Variants in GRIA2 observed in about 807,000 individuals in gnomAD.
GRIA2 encodes the protein glutamate ionotropic receptor AMPA type subunit 2, also known as glutamate receptor 2.
GRIA2 carries 14 observed loss-of-function variants against 97.3 expected under a neutral mutation model. The ratio of observed to expected loss-of-function variants is 0.14; its 90% CI spans 0.10 to 0.23. The LOEUF is 0.23. Among genes scored for constraint, GRIA2 ranks in the 10% least tolerant of loss-of-function variants. The pLI is 1.00. For synonymous variants in GRIA2, 412 were observed against 387.8 expected (o/e 1.06, Z -0.73); for missense variants, 558 against 1,069.8 (o/e 0.52, Z 6.67).
Position 157,317,688 on chromosome 4 carries a change from T to C in GRIA2, c.697T>C (p.Tyr233His). The change falls in exon 5 of 16, where the codon TAC becomes CAC. Residue 233 changes from tyrosine to histidine, a missense_variant. By Grantham distance (83) the Tyr-to-His change is moderately conservative. This residue lies in a region of GRIA2 where 173 missense variants were observed against 209.1 expected (regional missense o/e 0.83). Transcript: ENST00000264426. The part of the protein sequence containing the change: ...VITIGKHVKG[Y>H]HYIIANLGFT... ...TACCATTGGAAAACATGTTAAAGGG[T>C]ACCACTACATCATTGCAAATCTGGT... is the stretch of plus-strand genomic sequence containing the variant. 8.2e-7 allele frequency: 1 copy of C among 1,226,096 alleles called. No homozygotes were observed. The highest frequency in any genetic ancestry group is 1.2e-6 in the Non-Finnish European group (1 of 833,198). 76.0% of individuals were successfully genotyped at this position (1,226,096 alleles called of 1,614,324 possible).
At chr4:157,339,090 G>A (rs1301824780) in intron 11 of GRIA2, among the ~76,000 whole-genome samples, 1 of 151,880 alleles carries the variant, frequency 6.6e-6, no homozygotes, top group African/African-American at 2.4e-5. Flanking sequence ...CTGAAATTAA[G>A]TTTAGAATAT....
intron 2 of GRIA2, among the ~76,000 whole-genome samples, chr4:157,292,242 G>A (rs553981900): frequency 6.6e-6 from 1 of 152,104 alleles, no homozygotes; most frequent in South Asian, 2.1e-4. Flanking sequence ...TTCAGAAATA[G>A]GCATAGGGAC....
intron 2 of GRIA2, among the ~76,000 whole-genome samples, chr4:157,256,918 G>A (rs965458425): frequency 6.6e-6 from 1 of 151,912 alleles, no homozygotes; most frequent in South Asian, 2.1e-4. Context: ...TGATTTATTT[G>A]CAGTACCATC....
chr4:157,361,734 G>T lies in GRIA2; in HGVS notation c.2406+610G>T. 3 of 927,122 alleles carry T rather than the reference G, an allele frequency of 3.2e-6. No homozygotes were observed. Among genetic ancestry groups the T allele is most frequent in the South Asian group, 1.4e-5 (1 of 71,556 alleles). The allele number at this position is 927,122 out of a possible 1,614,324, so 57.4% of individuals were successfully genotyped here. On this transcript the variant is annotated intron_variant, in intron 14 of 15. Coordinates refer to ENST00000264426, the MANE Select transcript of GRIA2 (RefSeq NM_001083619.3). The surrounding 1 kb of genome is among the most constrained non-coding windows in gnomAD (Gnocchi z 5.2). The stretch of plus-strand genomic sequence containing the variant: ...AAACCACAAGTGTGTTAGTGGGAAT[G>T]ACCCATCTTAAATAGAATGTAAATG...
At chr4:157,255,296 C>T (rs1731190220) in intron 2 of GRIA2, among the ~76,000 whole-genome samples, 2 of 151,928 alleles carry the variant, frequency 1.3e-5, no homozygotes. Flanking sequence ...TGTCTTCATC[C>T]AATCATCCAC....
chr4:157,296,943 G>A (rs1237223078), intron 2 of GRIA2, among the ~76,000 whole-genome samples: 1 of 152,242 alleles, frequency 6.6e-6, no homozygotes, highest in East Asian at 1.9e-4. Context: ...AAGGCAGATT[G>A]CTTTAGAATC....
At chr4:157,220,671 T>C (rs1282750357), upstream of GRIA2, 1 of 214,524 alleles carries the variant, frequency 4.7e-6, no homozygotes, top group South Asian at 6.4e-5. Flanking sequence ...TGTGTGTGTG[T>C]GTGCGCGCGC....
intron 12 of GRIA2, among the ~76,000 whole-genome samples, chr4:157,355,904 T>A (rs1477921547): frequency 7.3e-5 from 1 of 13,652 alleles, no homozygotes; most frequent in African/African-American, 2.9e-4. Flanking sequence ...TATATATAAA[T>A]ATATATATAT....
chr4:157,290,136 T>G (rs917362921), intron 2 of GRIA2, among the ~76,000 whole-genome samples: 4 of 151,970 alleles, frequency 2.6e-5, no homozygotes, highest in African/African-American at 9.7e-5. Context: ...TCAGTCATAC[T>G]GTCCTTTTTC....
In GRIA2 at chr4:157,234,211, C is replaced by T. The variant is rs541730377; in HGVS notation, c.229+12404C>T. Among the ~76,000 whole-genome samples the T allele has an allele frequency of 2.0e-4, 31 of 152,136 alleles. 2 individuals carry two copies. The highest frequency in any genetic ancestry group is 7.2e-4 in the African/African-American group (30 of 41,522). On this transcript the variant is annotated intron_variant, in intron 2 of 15. Coordinates refer to ENST00000264426, the MANE Select transcript of GRIA2 (RefSeq NM_001083619.3). ...GCTGCATATAATATAGTGATTAATA[C>T]TGCTAATTTCAGTGATTCCAATTCC...
At chr4:157,351,382 A>G (rs1736003916) in intron 12 of GRIA2, among the ~76,000 whole-genome samples, 1 of 152,208 alleles carries the variant, frequency 6.6e-6, no homozygotes, top group South Asian at 2.1e-4. Context: ...CCTCTACATT[A>G]TCAGTTCACA....
chr4:157,292,384 C>A (rs1733145933), intron 2 of GRIA2, among the ~76,000 whole-genome samples: 1 of 151,752 alleles, frequency 6.6e-6, no homozygotes, highest in Non-Finnish European at 1.5e-5. Flanking sequence ...TTCATAATAT[C>A]CAGATATTAA....
At chr4:157,313,465 C>T (rs952474208) in intron 4 of GRIA2, among the ~76,000 whole-genome samples, 3 of 152,094 alleles carry the variant, frequency 2.0e-5, no homozygotes, top group Non-Finnish European at 4.4e-5. Context: ...TCCCCTTGGA[C>T]TGTTTGAAAG....
intron 2 of GRIA2, among the ~76,000 whole-genome samples, chr4:157,286,952 G>A (rs1732874002): frequency 1.3e-5 from 2 of 151,568 alleles, no homozygotes; most frequent in South Asian, 4.2e-4. Context: ...TCAATTTATT[G>A]AGTTGTGTTT....
chr4:157,256,481 T>C (rs1438959894), intron 2 of GRIA2, among the ~76,000 whole-genome samples: 1 of 151,070 alleles, frequency 6.6e-6, no homozygotes, highest in Non-Finnish European at 1.5e-5. Flanking sequence ...TTAATTGAAG[T>C]GTATTTTTCT....
intron 2 of GRIA2, among the ~76,000 whole-genome samples, chr4:157,251,371 G>GA (rs1175633165): frequency 1.3e-5 from 2 of 151,772 alleles, no homozygotes; most frequent in Non-Finnish European, 2.9e-5. Context: ...GGAAAGGGCA[G>GA]AAAAAAATAA....
intron 12 of GRIA2, among the ~76,000 whole-genome samples, chr4:157,348,847 C>A (rs1416345386): frequency 2.6e-5 from 4 of 152,086 alleles, no homozygotes; most frequent in Non-Finnish European, 4.4e-5. Flanking sequence ...GAAATAGCAA[C>A]CATTAAAATG....
intron 2 of GRIA2, among the ~76,000 whole-genome samples, chr4:157,248,696 T>C (rs1302381069): frequency 7.1e-6 from 1 of 141,336 alleles, no homozygotes; most frequent in East Asian, 2.1e-4. Context: ...CGTGTATATA[T>C]ACACAAGTAT....
intron 12 of GRIA2, among the ~76,000 whole-genome samples, chr4:157,354,851 C>T (rs949329815): frequency 3.3e-5 from 5 of 152,074 alleles, no homozygotes; most frequent in African/African-American, 9.7e-5. Context: ...TGGGCAGTGG[C>T]GCAACATGCT....
Sources: allele counts gnomAD v4.1 joint callset (sites outside exome capture counted in the v4.1 genomes callset), GRCh38; gene constraint gnomAD v4.1.1; regional missense constraint gnomAD v4.1.1; non-coding constraint Gnocchi (gnomAD v3.1); transcripts MANE v1.5; gene names NCBI Gene and HGNC (gene_info 2026-07-23, HGNC 2026-07-21).